Variants in COLEC10 observed in about 807,000 individuals in gnomAD.
The protein encoded by COLEC10 is collectin-10.
Under a neutral mutation model 28.4 loss-of-function variants are expected in COLEC10, and 22 were observed. The ratio of observed to expected loss-of-function variants is 0.78; its 90% CI spans 0.55 to 1.11. COLEC10 has a LOEUF of 1.11. COLEC10 is among the 50% of genes least tolerant of loss of function. The pLI is 0.00. For missense variants in COLEC10, 361 were observed against 344.1 expected, an observed-to-expected ratio of 1.05 and a Z score of -0.39; for synonymous variants, 125 against 116.1, an observed-to-expected ratio of 1.08 and a Z score of -0.49.
At chr8:118,991,803 A>C (rs1586985757), upstream of COLEC10, among the ~76,000 whole-genome samples, 1 of 152,180 alleles carries the variant, frequency 6.6e-6, no homozygotes, top group Non-Finnish European at 1.5e-5. Flanking sequence ...GTCAAGAATT[A>C]TGGCCAGGTA....
chr8:118,999,398 C>T (rs1415022362), intron 1 of COLEC10, among the ~76,000 whole-genome samples: 2 of 151,910 alleles, frequency 1.3e-5, no homozygotes, highest in Non-Finnish European at 2.9e-5. Flanking sequence ...TGAGACCAGC[C>T]TGGTCAACAT....
chr8:119,030,373 G>A (rs1447460428), intron 2 of COLEC10, among the ~76,000 whole-genome samples: 1 of 152,076 alleles, frequency 6.6e-6, no homozygotes, highest in African/African-American at 2.4e-5. Context: ...GTATAAAAGT[G>A]TGTTGGTGTG....
chr8:119,004,236 CCCAA>C (rs918335763), intron 1 of COLEC10, among the ~76,000 whole-genome samples: 3 of 151,936 alleles, frequency 2.0e-5, no homozygotes, highest in Admixed American at 6.6e-5. Context: ...GAGCGTGGAT[CCCAA>C]CCATCTATTT....
the COLEC10 span, among the ~76,000 whole-genome samples, chr8:118,967,414 G>C: frequency 6.6e-6 from 1 of 152,068 alleles, no homozygotes; most frequent in South Asian, 2.1e-4. Flanking sequence ...ATAATGCTTA[G>C]GATACAAATG....
chr8:119,095,895 A>G (rs990521614), intron 3 of COLEC10, among the ~76,000 whole-genome samples: 1 of 152,216 alleles, frequency 6.6e-6, no homozygotes, highest in African/African-American at 2.4e-5. Flanking sequence ...TTAGGAAACT[A>G]AACCATTAGA....
At chr8:118,992,113 CA>C (rs1192391569), upstream of COLEC10, among the ~76,000 whole-genome samples, 1 of 152,098 alleles carries the variant, frequency 6.6e-6, no homozygotes, top group Non-Finnish European at 1.5e-5. Flanking sequence ...ATAGAAAATA[CA>C]GCCTACATCA....
chr8:118,981,344 G>A, the COLEC10 span, among the ~76,000 whole-genome samples: 66 of 151,962 alleles, frequency 4.3e-4, no homozygotes, highest in African/African-American at 1.6e-3. Flanking sequence ...TTAATTTTCA[G>A]TTATGTTGCT....
In COLEC10 at chr8:119,107,523, G is replaced by A. The variant is rs1273810485; in HGVS notation, c.*1332G>A. ...GCTGGCAAAATGGTTAATGAAGTAAGAGAAACAGATCAACAACATATGTTC... is the reference window on the plus strand; with the variant it reads ...GCTGGCAAAATGGTTAATGAAGTAAAAGAAACAGATCAACAACATATGTTC... On this transcript the variant is annotated 3_prime_UTR_variant, in exon 6 of 6. Transcript: ENST00000332843. 6.6e-6 allele frequency among the ~76,000 whole-genome samples: 1 copy of A among 152,196 alleles called. No homozygotes were observed. The highest frequency in any genetic ancestry group is 1.5e-5 in the Non-Finnish European group (1 of 68,026).
chr8:119,106,199 C>A lies in COLEC10; in HGVS notation c.*8C>A. ...ATCAAGAAGAAAAAGTAACTTCCCT[C>A]ATCCTACGTATTTGCTATTTTCCTG... On this transcript the variant is annotated 3_prime_UTR_variant, in exon 6 of 6. Coordinates refer to ENST00000332843, the MANE Select transcript of COLEC10 (RefSeq NM_006438.5). 6.3e-7 allele frequency: 1 copy of A among 1,591,490 alleles called. No individual in the cohort carries two copies. The highest frequency in any genetic ancestry group is 1.1e-5 in the South Asian group (1 of 89,330).
intron 2 of COLEC10, among the ~76,000 whole-genome samples, chr8:119,062,231 A>G (rs1023148039): frequency 6.6e-6 from 1 of 152,262 alleles, no homozygotes; most frequent in East Asian, 1.9e-4. Flanking sequence ...AGACATCTCC[A>G]TCTTCCATAT....
intron 2 of COLEC10, among the ~76,000 whole-genome samples, chr8:119,012,235 T>A (rs374909414): frequency 7.3e-5 from 11 of 151,066 alleles, no homozygotes; most frequent in South Asian, 6.2e-4. Flanking sequence ...TCACATAATT[T>A]TTATTCTTTA....
chr8:119,016,356 C>A (rs943076917), intron 2 of COLEC10, among the ~76,000 whole-genome samples: 1 of 152,158 alleles, frequency 6.6e-6, no homozygotes, highest in Non-Finnish European at 1.5e-5. Flanking sequence ...AGGACATGAA[C>A]TCATCCTTTT....
chr8:119,061,612 A>G (rs184217357), intron 2 of COLEC10, among the ~76,000 whole-genome samples: 1 of 152,198 alleles, frequency 6.6e-6, no homozygotes, highest in Admixed American at 6.5e-5. Context: ...GGAATCCCAT[A>G]CCCAGCCAAA....
rs1563736427 is a variant in COLEC10, at chr8:119,077,259, T to TTC, written c.148+9831_148+9832insCT. 4.5e-4 allele frequency among the ~76,000 whole-genome samples: 68 copies of TTC among 149,632 alleles called. 1 individual carries two copies. The highest frequency in any genetic ancestry group is 4.5e-3 in the South Asian group (21 of 4,672). On this transcript the variant is annotated intron_variant, in intron 1 of 5. Transcript: ENST00000332843. ...TAGAGAATGATTTTTTTTTTTTTTT[T>TTC]TTTTTTTTGCCTCTCCATGATTTGG... is the stretch of plus-strand genomic sequence containing the variant.
chr8:119,002,976 A>T (rs1238325970), intron 1 of COLEC10, among the ~76,000 whole-genome samples: 1 of 152,236 alleles, frequency 6.6e-6, no homozygotes. Context: ...AATCATATTT[A>T]AGTTTTTTCT....
intron 5 of COLEC10, among the ~76,000 whole-genome samples, chr8:119,105,207 G>A (rs1287165165): frequency 1.3e-5 from 2 of 152,108 alleles, no homozygotes; most frequent in Non-Finnish European, 2.9e-5. Flanking sequence ...TTGTCCTTAA[G>A]ACATTCACAG....
chr8:119,023,791 C>A (rs909064121), intron 2 of COLEC10, among the ~76,000 whole-genome samples: 1 of 152,074 alleles, frequency 6.6e-6, no homozygotes, highest in African/African-American at 2.4e-5. Flanking sequence ...ATGAAAGCTA[C>A]AATTGTATGC....
chr8:118,988,687 T>TA, the COLEC10 span, among the ~76,000 whole-genome samples: 1 of 152,132 alleles, frequency 6.6e-6, no homozygotes. Context: ...CTGACAAGTA[T>TA]AATAACAGTG....
At chr8:119,031,530 T>C (rs548798424) in intron 2 of COLEC10, among the ~76,000 whole-genome samples, 50 of 152,294 alleles carry the variant, frequency 3.3e-4, no homozygotes, top group African/African-American at 1.2e-3. Context: ...AATAAGATAG[T>C]GTCATGAAAA....
Sources: gnomAD v4.1 joint callset for allele counts (sites outside exome capture counted in the v4.1 genomes callset) on GRCh38, gnomAD v4.1.1 for gene constraint, MANE v1.5 for transcripts, NCBI Gene and HGNC (gene_info 2026-07-23, HGNC 2026-07-21) for gene names.